The following EXOC4 variants were observed in gnomAD, a reference collection of about 807,000 sequenced individuals.
EXOC4 encodes exocyst complex component 4.
EXOC4 carries 71 observed loss-of-function variants against 107.2 expected under a neutral mutation model. The observed-to-expected ratio is 0.66, with a 90% CI of 0.55 to 0.81. The LOEUF is 0.81. Ranked by LOEUF, EXOC4 falls within the 30% of genes least tolerant of loss-of-function variation. The probability of loss-of-function intolerance (pLI) is 0.00; values close to 1 mark genes in which losing one functional copy is unlikely to be tolerated. For synonymous variants in EXOC4, 456 were observed against 441.2 expected (o/e 1.03, Z -0.42); for missense variants, 1,108 against 1,189.6 (o/e 0.93, Z 1.01).
chr7:133,964,081 C>G (rs1402029282), intron 14 of EXOC4, among the ~76,000 whole-genome samples: 2 of 151,956 alleles, frequency 1.3e-5, no homozygotes, highest in Non-Finnish European at 2.9e-5. Context: ...TTAAAATCTG[C>G]AAAGCTAGTA....
chr7:133,953,651 A>G (rs1389713055), intron 14 of EXOC4, among the ~76,000 whole-genome samples: 1 of 152,084 alleles, frequency 6.6e-6, no homozygotes, highest in Admixed American at 6.6e-5. Context: ...CCCTGTCTCA[A>G]AAAGGAAAAG....
chr7:133,779,933 T>C (rs1182751652), intron 10 of EXOC4, among the ~76,000 whole-genome samples: 1 of 152,204 alleles, frequency 6.6e-6, no homozygotes, highest in Non-Finnish European at 1.5e-5. Flanking sequence ...GGGTCCCTGC[T>C]GTCTTTAAGA....
At chr7:133,596,613 G>A (rs779263123) in intron 9 of EXOC4, among the ~76,000 whole-genome samples, 3 of 152,172 alleles carry the variant, frequency 2.0e-5, no homozygotes, top group Non-Finnish European at 4.4e-5. Context: ...AATAGGGTGA[G>A]CTTTAGTTAC....
At chr7:133,388,077 A>AC (rs1796768561) in intron 7 of EXOC4, among the ~76,000 whole-genome samples, 1 of 151,830 alleles carries the variant, frequency 6.6e-6, no homozygotes, top group Admixed American at 6.6e-5. Flanking sequence ...GGTGGCTTGG[A>AC]CTTTGCCTTT....
chr7:133,281,846 T>C (rs7794376), intron 2 of EXOC4, among the ~76,000 whole-genome samples: 48,411 of 151,642 alleles, frequency 0.32, 9,097 homozygotes, highest in African/African-American at 0.53. Context: ...GGATTATAGG[T>C]ACCCACCACC....
chr7:133,315,063 C>A, intron 4 of EXOC4: 1 of 153,364 alleles, frequency 6.5e-6, no homozygotes, highest in South Asian at 2.0e-4. Flanking sequence ...CTTCATGGTC[C>A]ATGATGTGAG....
intron 10 of EXOC4, among the ~76,000 whole-genome samples, chr7:133,639,613 G>A (rs988616439): frequency 3.9e-5 from 6 of 152,210 alleles, no homozygotes; most frequent in East Asian, 1.9e-4. Context: ...GGAGAAGAAG[G>A]TGGAAGCATC....
Position 133,600,089 on chromosome 7 carries a change from A to G in EXOC4, c.1418-29956A>G, listed in dbSNP as rs1262293435. 2.0e-5 allele frequency among the ~76,000 whole-genome samples: 3 copies of G among 151,732 alleles called. No individual in the cohort carries two copies. In the East Asian group the frequency reaches 5.8e-4, roughly 29 times the overall value. On this transcript the variant is annotated intron_variant, in intron 9 of 17. Coordinates refer to ENST00000253861, the MANE Select transcript of EXOC4 (RefSeq NM_021807.4). ...GTAATTTTTTGTATTTTTAGTAGAG[A>G]CAGGGTTTCACCATGTTGCCCAGGA...
chr7:133,947,164 A>C (rs1290917815), intron 14 of EXOC4, among the ~76,000 whole-genome samples: 1 of 152,198 alleles, frequency 6.6e-6, no homozygotes, highest in African/African-American at 2.4e-5. Flanking sequence ...CTAACTATTA[A>C]ATGATCTGAT....
At chr7:133,816,676 TG>T in intron 10 of EXOC4, among the ~76,000 whole-genome samples, 1 of 152,172 alleles carries the variant, frequency 6.6e-6, no homozygotes, top group Non-Finnish European at 1.5e-5. Context: ...GGACAAGGGT[TG>T]GGGGAAAGAT....
At chr7:133,678,129 G>A (rs921716524) in intron 10 of EXOC4, among the ~76,000 whole-genome samples, 1 of 151,906 alleles carries the variant, frequency 6.6e-6, no homozygotes, top group Admixed American at 6.6e-5. Context: ...TATATTATTG[G>A]GTGTTAAAAC....
At chr7:133,665,828 C>T (rs951485277) in intron 10 of EXOC4, among the ~76,000 whole-genome samples, 6 of 152,114 alleles carry the variant, frequency 3.9e-5, no homozygotes, top group African/African-American at 7.2e-5. Flanking sequence ...CCAGAACCTT[C>T]ATTTTTGTTT....
At chr7:133,425,318 C>G (rs183794330) in intron 7 of EXOC4, among the ~76,000 whole-genome samples, 19 of 152,154 alleles carry the variant, frequency 1.2e-4, no homozygotes, top group Non-Finnish European at 2.4e-4. Context: ...GATGGAGTCT[C>G]GCTCTGTCAC....
chr7:133,939,360 T>C (rs1283088007), intron 14 of EXOC4, among the ~76,000 whole-genome samples: 1 of 152,302 alleles, frequency 6.6e-6, no homozygotes, highest in East Asian at 1.9e-4. Flanking sequence ...CCTTGAGTGC[T>C]CACTACTTGC....
At chr7:133,419,867 G>A (rs1471516513) in intron 7 of EXOC4, among the ~76,000 whole-genome samples, 1 of 152,066 alleles carries the variant, frequency 6.6e-6, no homozygotes, top group Non-Finnish European at 1.5e-5. Context: ...CGCTGAGATG[G>A]TTCCTCTGCT....
In EXOC4 at chr7:133,356,350, G is replaced by C. The variant is rs1270890013; in HGVS notation, c.784G>C (p.Asp262His). 1.2e-6 allele frequency: 2 copies of C among 1,613,796 alleles called. No individual in the cohort carries two copies. The highest frequency in any genetic ancestry group is 2.7e-5 in the African/African-American group (2 of 74,882). The change falls in exon 6 of 18, where the codon GAC becomes CAC. Residue 262 changes from aspartate to histidine, a missense_variant. Transcript: ENST00000253861. ...SSSVREINLQ[D>H]IKEDLELDPE... Reference sequence around the variant, plus strand: ...TTCAGTGAGGGAGATAAATCTGCAGGACATCAAGGAAGATTTAGAATTGGA... The same window carrying C: ...TTCAGTGAGGGAGATAAATCTGCAGCACATCAAGGAAGATTTAGAATTGGA...
intron 9 of EXOC4, among the ~76,000 whole-genome samples, chr7:133,567,268 C>CT (rs931608009): frequency 3.3e-5 from 5 of 151,224 alleles, no homozygotes; most frequent in Admixed American, 6.6e-5. Context: ...TATATATATT[C>CT]TTTTTTTTCC....
chr7:133,530,627 C>T (rs1032279614), intron 9 of EXOC4, among the ~76,000 whole-genome samples: 5 of 152,106 alleles, frequency 3.3e-5, no homozygotes, highest in Non-Finnish European at 5.9e-5. Context: ...CATCCTCAAA[C>T]GCTAATCTCC....
chr7:133,485,114 T>C (rs1327732468), intron 9 of EXOC4, among the ~76,000 whole-genome samples: 1 of 146,812 alleles, frequency 6.8e-6, no homozygotes, highest in East Asian at 2.0e-4. Context: ...AATAAATAAA[T>C]AAATAATTAA....
Sources: allele counts gnomAD v4.1 joint callset (sites outside exome capture counted in the v4.1 genomes callset), GRCh38; gene constraint gnomAD v4.1.1; transcripts MANE v1.5; gene names NCBI Gene and HGNC (gene_info 2026-07-23, HGNC 2026-07-21).